The following BTBD9 variants were observed in gnomAD, a reference collection of about 807,000 sequenced individuals.
BTBD9 encodes BTB domain containing 9, also known as BTB/POZ domain-containing protein 9.
BTBD9 carries 49 observed loss-of-function variants against 64.3 expected under a neutral mutation model. That is an observed-to-expected ratio of 0.76 (90% confidence interval 0.61 to 0.97). The LOEUF is 0.97. BTBD9 is among the 50% of genes least tolerant of loss of function. The pLI is 0.00. For synonymous variants in BTBD9, 260 were observed against 274.7 expected (o/e 0.95, Z 0.53); for missense variants, 598 against 762.1 (o/e 0.78, Z 2.53).
At chr6:38,545,855 T>TATAC (rs1554168080) in intron 6 of BTBD9, among the ~76,000 whole-genome samples, 45 of 130,646 alleles carry the variant, frequency 3.4e-4, no homozygotes, top group African/African-American at 1.2e-3. Flanking sequence ...CACACACACA[T>TATAC]ACACACACAC....
chr6:38,429,312 A>G (rs9394498), intron 6 of BTBD9, among the ~76,000 whole-genome samples: 73,618 of 150,664 alleles, frequency 0.49, 18,705 homozygotes, highest in Middle Eastern at 0.64. Context: ...AAAATTAGCT[A>G]GGCGTGGTGG....
intron 6 of BTBD9, among the ~76,000 whole-genome samples, chr6:38,544,927 C>CAAAAAAAAAAAAAAAA (rs58694810): frequency 4.1e-5 from 2 of 48,300 alleles, no homozygotes; most frequent in Non-Finnish European, 7.5e-5. Context: ...AACTACATCT[C>CAAAAAAAAAAAAAAAA]AAAAAAAAAA....
chr6:38,527,815 T>TTTTTTTTTTTTTTTTTGAG (rs1562299662), intron 6 of BTBD9, among the ~76,000 whole-genome samples: 1 of 151,338 alleles, frequency 6.6e-6, no homozygotes, highest in South Asian at 2.1e-4. Context: ...ACTTTTTTTT[T>TTTTTTTTTTTTTTTTTGAG]AATCATGACA....
chr6:38,345,537 C>T (rs6917308), intron 6 of BTBD9, among the ~76,000 whole-genome samples: 42,942 of 152,216 alleles, frequency 0.28, 7,170 homozygotes, highest in African/African-American at 0.45. Context: ...GATGAACACA[C>T]GAAATCAATA....
chr6:38,181,069 G>T (rs1357787633), intron 10 of BTBD9, among the ~76,000 whole-genome samples: 1 of 152,210 alleles, frequency 6.6e-6, no homozygotes, highest in East Asian at 1.9e-4. Context: ...TCAGTGGCTT[G>T]GTGGCTGCTG....
At chr6:38,572,933 A>G (rs749102475) in intron 6 of BTBD9, among the ~76,000 whole-genome samples, 1 of 152,062 alleles carries the variant, frequency 6.6e-6, no homozygotes, top group South Asian at 2.1e-4. Context: ...CTATATGGCA[A>G]AAAGTACCAA....
Position 38,414,271 on chromosome 6 carries a change from G to GA in BTBD9, c.1155-69179dup, listed in dbSNP as rs550491197. Reference sequence around the variant, plus strand: ...GTTGTAATATTCTCCCTGCTATCTGGAATAGGAAGACATCCATAACTACTG... The same window carrying GA: ...GTTGTAATATTCTCCCTGCTATCTGGAAATAGGAAGACATCCATAACTACTG... On this transcript the variant is annotated intron_variant, in intron 6 of 10. Transcript: ENST00000481247. Among the ~76,000 whole-genome samples the GA allele has an allele frequency of 2.0e-5, 3 of 152,200 alleles. No individual in the cohort carries two copies. In the South Asian group the frequency reaches 6.2e-4, roughly 32 times the overall value.
At chr6:38,319,916 T>A (rs1763168579) in intron 7 of BTBD9, among the ~76,000 whole-genome samples, 2 of 152,104 alleles carry the variant, frequency 1.3e-5, no homozygotes, top group Admixed American at 6.5e-5. Context: ...TTATTTAGAA[T>A]CCCAGAGCAC....
chr6:38,334,312 G>C (rs551366808), intron 7 of BTBD9, among the ~76,000 whole-genome samples: 1 of 152,044 alleles, frequency 6.6e-6, no homozygotes, highest in African/African-American at 2.4e-5. Context: ...CTGTAATCCC[G>C]GCACTTTGGG....
chr6:38,501,568 TC>T (rs1273000207), intron 6 of BTBD9, among the ~76,000 whole-genome samples: 1 of 152,138 alleles, frequency 6.6e-6, no homozygotes, highest in African/African-American at 2.4e-5. Context: ...ACATCACCAA[TC>T]CCATCCCTTG....
intron 8 of BTBD9, among the ~76,000 whole-genome samples, chr6:38,285,492 G>T (rs1277882754): frequency 1.3e-5 from 2 of 151,988 alleles, no homozygotes; most frequent in Non-Finnish European, 2.9e-5. Context: ...TTTGAGATGC[G>T]CATAGAACAC....
intron 9 of BTBD9, among the ~76,000 whole-genome samples, chr6:38,231,257 G>T (rs1763595491): frequency 6.6e-6 from 1 of 152,132 alleles, no homozygotes; most frequent in African/African-American, 2.4e-5. Context: ...TACCAGCATT[G>T]AGTTAGGTCA....
rs147244271 is a variant in BTBD9, at chr6:38,240,113, C to T, written c.1562+16296G>A. 2.7e-3 allele frequency among the ~76,000 whole-genome samples: 407 copies of T among 152,354 alleles called. 2 individuals carry two copies. The highest frequency in any genetic ancestry group is 8.9e-3 in the African/African-American group (369 of 41,572). On this transcript the variant is annotated intron_variant, in intron 9 of 10. Transcript: ENST00000481247. ...AAGGCACACCTGAACTTCCCTCCAG[C>T]AGGCTGAAGAGAGAACGAGTGATTT...
chr6:38,543,642 C>T (rs373123336), intron 6 of BTBD9, among the ~76,000 whole-genome samples: 8 of 152,196 alleles, frequency 5.3e-5, no homozygotes, highest in African/African-American at 1.4e-4. Context: ...CACCTGTTTG[C>T]GGTACTGAGA....
chr6:38,456,284 G>T (rs537885226), intron 6 of BTBD9, among the ~76,000 whole-genome samples: 1 of 152,250 alleles, frequency 6.6e-6, no homozygotes, highest in South Asian at 2.1e-4. Flanking sequence ...CACTGTGCCC[G>T]ACTTGTTTTT....
chr6:38,537,737 C>T (rs1333202453), intron 6 of BTBD9, among the ~76,000 whole-genome samples: 2 of 152,178 alleles, frequency 1.3e-5, no homozygotes, highest in Non-Finnish European at 2.9e-5. Context: ...CAAATTTTAG[C>T]TGGCACATGG....
At chr6:38,534,754 G>A (rs970437936) in intron 6 of BTBD9, among the ~76,000 whole-genome samples, 6 of 152,060 alleles carry the variant, frequency 3.9e-5, no homozygotes, top group African/African-American at 1.2e-4. Flanking sequence ...CATATCAACA[G>A]AATGAGGACA....
intron 6 of BTBD9, among the ~76,000 whole-genome samples, chr6:38,390,865 CTTTA>C (rs200064437): frequency 0.089 from 13,537 of 152,270 alleles, 827 homozygotes; most frequent in Non-Finnish European, 0.13. Flanking sequence ...CAGTCAACAT[CTTTA>C]CTTAGCAAAA....
At chr6:38,632,449 G>C (rs1582745093) in intron 1 of BTBD9, among the ~76,000 whole-genome samples, 1 of 152,208 alleles carries the variant, frequency 6.6e-6, no homozygotes, top group African/African-American at 2.4e-5. Flanking sequence ...AAACACCTAA[G>C]TGGAGGAAAT....
Sources: allele counts gnomAD v4.1 joint callset (sites outside exome capture counted in the v4.1 genomes callset), GRCh38; gene constraint gnomAD v4.1.1; transcripts MANE v1.5; gene names NCBI Gene and HGNC (gene_info 2026-07-23, HGNC 2026-07-21).